Variants in POGZ observed in about 807,000 individuals in gnomAD.
The protein encoded by POGZ is pogo transposable element with ZNF domain.
POGZ carries 17 observed loss-of-function variants against 134.6 expected under a neutral mutation model. The ratio of observed to expected loss-of-function variants is 0.13; its 90% confidence interval spans 0.09 to 0.19. The LOEUF is 0.19. Ranked by LOEUF, POGZ falls within the 10% of genes least tolerant of loss-of-function variation. The pLI, the probability that POGZ is intolerant of heterozygous loss-of-function variation, is 1.00. For synonymous variants in POGZ, 693 were observed against 657.1 expected, an observed-to-expected ratio of 1.05 and a Z score of -0.84; for missense variants, 1,306 against 1,769.7, an observed-to-expected ratio of 0.74 and a Z score of 4.70.
intron 1 of POGZ, among the ~76,000 whole-genome samples, chr1:151,446,135 T>G (rs144586741): frequency 7.1e-6 from 1 of 140,286 alleles, no homozygotes; most frequent in Non-Finnish European, 1.5e-5. Context: ...TTACTAAATA[T>G]GCAGTGTTAA....
At chr1:151,418,852 C>T (rs978510584) in intron 10 of POGZ, among the ~76,000 whole-genome samples, 4 of 150,842 alleles carry the variant, frequency 2.7e-5, no homozygotes, top group East Asian at 2.0e-4. Context: ...GCTGAAACCC[C>T]GTCTCTACTA....
chr1:151,412,126 C>T (rs991682925), intron 11 of POGZ, among the ~76,000 whole-genome samples, 170 bp downstream of exon 11: 19 of 152,156 alleles, frequency 1.2e-4, no homozygotes, highest in African/African-American at 4.1e-4. Flanking sequence ...TTATGTTTTT[C>T]TCCTGCATGG....
In POGZ at chr1:151,404,262, A is replaced by G. The variant is rs1653185302; in HGVS notation, c.*540T>C. On this transcript the variant is annotated 3_prime_UTR_variant, in exon 19 of 19. Transcript: ENST00000271715. ...ATATAAAAGTGTTAAGACCACAATG[A>G]AAAAAGTTTTTTATCCATATATATA... is the stretch of plus-strand genomic sequence containing the variant. The G allele has an allele frequency of 1.0e-6, 1 of 983,718 alleles. No individual in the cohort carries two copies. The highest frequency in any genetic ancestry group is 4.7e-5 in the South Asian group (1 of 21,248). The allele number at this position is 983,718 out of a possible 1,614,324, so 60.9% of individuals were successfully genotyped here.
chr1:151,408,196 A>G lies in POGZ; in HGVS notation c.2279T>C (p.Ile760Thr). Residue 760 changes from isoleucine (I) to threonine (T), a missense_variant, in exon 15 of 19, where the codon ATC becomes ACC. By Grantham distance (89) the Ile-to-Thr change is moderately conservative. Coordinates refer to ENST00000271715, the MANE Select transcript of POGZ (RefSeq NM_015100.4). Reference protein sequence around the residue: ...RQTCLECSFEIPDFPNHFPTY... With the variant: ...RQTCLECSFETPDFPNHFPTY... ...AGGGAAATGATTAGGGAAGTCTGGGATCTCGAAGCTGCACTCCAGGCATGT... is the reference window on the plus strand; with the variant it reads ...AGGGAAATGATTAGGGAAGTCTGGGGTCTCGAAGCTGCACTCCAGGCATGT... 1 of 1,613,584 alleles carries G rather than the reference A, an allele frequency of 6.2e-7. No individual in the cohort carries two copies. The highest frequency in any genetic ancestry group is 8.5e-7 in the Non-Finnish European group (1 of 1,179,750).
rs149236450 is a variant in POGZ, at chr1:151,427,533, T to C, written c.1078+290A>G. 9.8e-4 allele frequency: 342 copies of C among 349,460 alleles called. 1 individual carries two copies. The highest frequency in any genetic ancestry group is 6.5e-3 in the African/African-American group (311 of 48,046). 21.6% of individuals were successfully genotyped at this position (349,460 alleles called of 1,614,324 possible). ...TCTACCAAATCCTAACTTTAAAACC[T>C]TGCTCAGAAATCCATCTCTTCCATG... On this transcript the variant is annotated intron_variant, in intron 7 of 18. Coordinates refer to ENST00000271715, the MANE Select transcript of POGZ (RefSeq NM_015100.4).
In POGZ at chr1:151,423,490, G is replaced by A. The variant is rs761703689; in HGVS notation, c.1585C>T (p.His529Tyr). 6.2e-7 allele frequency: 1 copy of A among 1,612,732 alleles called. No individual in the cohort carries two copies. Among genetic ancestry groups the A allele is most frequent in the South Asian group, 1.1e-5 (1 of 91,056 alleles). The change falls in exon 10 of 19, where the codon CAC becomes TAC. Residue 529 changes from histidine to tyrosine, a missense_variant. Transcript: ENST00000271715. Reference protein sequence around the residue: ...LDQQNGEVDGHTICQHCYRQF... With the variant: ...LDQQNGEVDGYTICQHCYRQF... ...CGGTAACAGTGCTGGCAGATAGTGT[G>A]ACCATCTACCTCACCGTTCTGCTGA...
At chr1:151,423,651 C>G in intron 9 of POGZ, 100 bp from the exon 10 acceptor site, 4 of 915,500 alleles carry the variant, frequency 4.4e-6, no homozygotes, top group Non-Finnish European at 5.0e-6. Flanking sequence ...ATCTGCTCCC[C>G]TCCATTCCCC....
Position 151,404,968 on chromosome 1 carries a change from T to C in POGZ, c.4067A>G (p.Gln1356Arg). 2 of 1,614,244 alleles carry C rather than the reference T, an allele frequency of 1.2e-6. No homozygotes were observed. Among genetic ancestry groups the C allele is most frequent in the Non-Finnish European group, 1.7e-6 (2 of 1,180,052 alleles). The change falls in exon 19 of 19, where the codon CAA becomes CGA. Residue 1356 changes from glutamine to arginine, a missense_variant. Transcript: ENST00000271715. The part of the protein sequence containing the change: ...QEELIASLEE[Q>R]LKLSGEHSES... ...AGAATGTTCCCCACTCAGCTTCAGT[T>C]GCTCCTCTAGGGAGGCAATTAGCTC...
chr1:151,453,080 G>A (rs895386692), intron 1 of POGZ, among the ~76,000 whole-genome samples: 1 of 151,624 alleles, frequency 6.6e-6, no homozygotes, highest in Non-Finnish European at 1.5e-5. Context: ...GCGCCACAAC[G>A]CCCAGCTAAT....
intron 1 of POGZ, among the ~76,000 whole-genome samples, chr1:151,450,729 C>G (rs1446821769): frequency 6.6e-6 from 1 of 152,116 alleles, no homozygotes; most frequent in Non-Finnish European, 1.5e-5. Context: ...CATATAAACT[C>G]TTCTAGCTTC....
At chr1:151,411,374 A>C (rs1654637380) in intron 12 of POGZ, among the ~76,000 whole-genome samples, 1 of 152,022 alleles carries the variant, frequency 6.6e-6, no homozygotes, top group Admixed American at 6.5e-5. Flanking sequence ...TAGCTATGTG[A>C]TTTTCTATAT....
chr1:151,433,233 T>C (rs979948481), intron 3 of POGZ, among the ~76,000 whole-genome samples: 1 of 152,192 alleles, frequency 6.6e-6, no homozygotes, highest in Non-Finnish European at 1.5e-5. Flanking sequence ...TAAATACCAT[T>C]ATAAAGAATT....
At position 151,404,785 on chromosome 1, in the gene POGZ, C is replaced by T; in HGVS notation, c.*17G>A. On this transcript the variant is annotated 3_prime_UTR_variant, in exon 19 of 19. Transcript: ENST00000271715. ...ATGTTCCCACCCTCACTCCACACCC[C>T]CTCATGACCCCAACACTCAAATCTC... 1.3e-6 allele frequency: 2 copies of T among 1,579,450 alleles called. No individual in the cohort carries two copies. Among genetic ancestry groups the T allele is most frequent in the Non-Finnish European group, 1.7e-6 (2 of 1,161,254 alleles).
intron 10 of POGZ, among the ~76,000 whole-genome samples, chr1:151,420,950 C>T (rs1171517361): frequency 1.3e-5 from 2 of 149,430 alleles, no homozygotes; most frequent in African/African-American, 2.5e-5. Flanking sequence ...TACATGAAAC[C>T]TCAGATAGTA....
intron 1 of POGZ, among the ~76,000 whole-genome samples, chr1:151,456,775 A>G (rs1447912229): frequency 6.6e-6 from 1 of 152,248 alleles, no homozygotes. Flanking sequence ...CAACATGGCG[A>G]AACACTGTCT....
At chr1:151,414,396 C>T (rs552503726) in intron 10 of POGZ, among the ~76,000 whole-genome samples, 16 of 152,318 alleles carry the variant, frequency 1.1e-4, no homozygotes, top group Non-Finnish European at 2.2e-4. Context: ...CTCCTATAAC[C>T]TATTTATCAG....
chr1:151,455,506 T>A (rs948142610), intron 1 of POGZ, among the ~76,000 whole-genome samples: 4 of 152,234 alleles, frequency 2.6e-5, no homozygotes, highest in Non-Finnish European at 5.9e-5. Context: ...TTTTGACTCT[T>A]AAAATTATTG....
intron 12 of POGZ, among the ~76,000 whole-genome samples, chr1:151,410,706 A>C (rs912784499): frequency 1.3e-5 from 2 of 152,186 alleles, no homozygotes; most frequent in African/African-American, 4.8e-5. Context: ...CTATTATCCA[A>C]CAGCTACACT....
chr1:151,409,213 A>G (rs936085573), intron 12 of POGZ, among the ~76,000 whole-genome samples: 3 of 152,038 alleles, frequency 2.0e-5, no homozygotes, highest in Non-Finnish European at 2.9e-5. Context: ...ATAGTAAACT[A>G]AAGTCATACT....
Sources: allele counts gnomAD v4.1 joint callset (sites outside exome capture counted in the v4.1 genomes callset), GRCh38; gene constraint gnomAD v4.1.1; transcripts MANE v1.5; gene names NCBI Gene and HGNC (gene_info 2026-07-23, HGNC 2026-07-21).